PPP2R2B: variants seen among roughly 807,000 people sequenced by gnomAD.
The protein encoded by PPP2R2B is protein phosphatase 2 regulatory subunit Bbeta.
In PPP2R2B, 5 loss-of-function variants were observed where a neutral mutation model predicts 46.0. The observed-to-expected ratio is 0.11, with a 90% confidence interval of 0.06 to 0.23. The LOEUF (loss-of-function observed/expected upper bound fraction) is 0.23, where lower values mean the gene tolerates loss of function less well. Among genes scored for constraint, PPP2R2B ranks in the 10% least tolerant of loss-of-function variants. PPP2R2B has a pLI of 1.00. For missense variants in PPP2R2B, 367 were observed against 575.0 expected (o/e 0.64, Z 3.70); for synonymous variants, 215 against 206.7 (o/e 1.04, Z -0.34).
chr5:146,804,480 G>A (rs1044282547), intron 2 of PPP2R2B, among the ~76,000 whole-genome samples: 3 of 152,076 alleles, frequency 2.0e-5, no homozygotes, highest in African/African-American at 7.2e-5. Flanking sequence ...ACCCTGCTCT[G>A]ATCCATTGCC....
At chr5:146,797,852 C>T (rs1289199333) in intron 2 of PPP2R2B, among the ~76,000 whole-genome samples, 1 of 152,206 alleles carries the variant, frequency 6.6e-6, no homozygotes, top group African/African-American at 2.4e-5. Context: ...AAGAAAGCGG[C>T]TGCCTAAAGA....
intron 1 of PPP2R2B, among the ~76,000 whole-genome samples, chr5:146,889,281 A>C (rs1762421269): frequency 6.6e-6 from 1 of 152,068 alleles, no homozygotes; most frequent in Admixed American, 6.6e-5. Flanking sequence ...TATGACAGCA[A>C]TGTCTTTGTT....
chr5:146,961,556 T>G (rs1752174508), intron 1 of PPP2R2B, among the ~76,000 whole-genome samples: 1 of 152,246 alleles, frequency 6.6e-6, no homozygotes, highest in Non-Finnish European at 1.5e-5. Flanking sequence ...CTAGGAAGCT[T>G]GAACACCTTT....
upstream of PPP2R2B, among the ~76,000 whole-genome samples, chr5:146,881,708 G>A (rs111779592): frequency 8.5e-3 from 1,290 of 152,304 alleles, 21 homozygotes; most frequent in African/African-American, 0.03. Context: ...CACCATGCCT[G>A]GCCTCACTAG....
chr5:146,725,393 GA>G (rs944458772), intron 2 of PPP2R2B, among the ~76,000 whole-genome samples: 14 of 151,832 alleles, frequency 9.2e-5, no homozygotes, highest in African/African-American at 3.1e-4. Flanking sequence ...CAGAAGGCTG[GA>G]AAAAAAATCC....
intron 1 of PPP2R2B, among the ~76,000 whole-genome samples, chr5:146,940,471 C>A (rs1213087288): frequency 6.6e-6 from 1 of 150,918 alleles, no homozygotes; most frequent in African/African-American, 2.4e-5. Context: ...CTTGTTCTGG[C>A]CAGATGGAAG....
At chr5:146,631,171 G>C (rs1057223402) in intron 7 of PPP2R2B, among the ~76,000 whole-genome samples, 2 of 152,142 alleles carry the variant, frequency 1.3e-5, no homozygotes, top group African/African-American at 4.8e-5. Context: ...GGGCTGCTGG[G>C]GTGGGCAGGG....
At chr5:146,941,243 G>C (rs1254105621) in intron 1 of PPP2R2B, among the ~76,000 whole-genome samples, 1 of 152,160 alleles carries the variant, frequency 6.6e-6, no homozygotes, top group Non-Finnish European at 1.5e-5. Context: ...CCATATGTCT[G>C]TTCACAATGC....
intron 1 of PPP2R2B, among the ~76,000 whole-genome samples, chr5:146,960,039 A>G (rs764921660): frequency 1.3e-5 from 2 of 152,044 alleles, no homozygotes; most frequent in Non-Finnish European, 2.9e-5. Flanking sequence ...AAAATTGTAA[A>G]CCCTTCTTTC....
chr5:146,781,472 C>T (rs35829196), intron 2 of PPP2R2B, among the ~76,000 whole-genome samples: 14,166 of 151,638 alleles, frequency 0.093, 1,141 homozygotes, highest in East Asian at 0.45. Flanking sequence ...ATTTAGTTTA[C>T]GTTAACACAA....
At chr5:146,987,787 C>A (rs1477212763) in intron 1 of PPP2R2B, among the ~76,000 whole-genome samples, 3 of 151,712 alleles carry the variant, frequency 2.0e-5, no homozygotes, top group African/African-American at 7.3e-5. Context: ...TTATAATAAC[C>A]TTGAATATAT....
chr5:146,799,174 A>C (rs1480326832), intron 2 of PPP2R2B, among the ~76,000 whole-genome samples: 1 of 152,238 alleles, frequency 6.6e-6, no homozygotes, highest in Non-Finnish European at 1.5e-5. Flanking sequence ...CTAGGTTCTT[A>C]GAGCAAATCT....
At chr5:146,873,687 C>T (rs896333692) in intron 2 of PPP2R2B, among the ~76,000 whole-genome samples, 3 of 152,184 alleles carry the variant, frequency 2.0e-5, no homozygotes, top group Non-Finnish European at 4.4e-5. Context: ...CCTCGGCTCA[C>T]TGCAACCTCT....
intron 1 of PPP2R2B, among the ~76,000 whole-genome samples, chr5:147,028,973 C>T (rs372785404): frequency 6.6e-6 from 1 of 152,098 alleles, no homozygotes. Flanking sequence ...AAATGCCTGT[C>T]AAGTCTCTTG....
chr5:147,020,036 G>A (rs1755189132), intron 1 of PPP2R2B, among the ~76,000 whole-genome samples: 1 of 152,122 alleles, frequency 6.6e-6, no homozygotes, highest in Non-Finnish European at 1.5e-5. Context: ...TGTTCTCAGA[G>A]CTGCATTCAA....
intron 7 of PPP2R2B, among the ~76,000 whole-genome samples, chr5:146,603,639 C>T (rs894774282): frequency 6.6e-6 from 1 of 152,180 alleles, no homozygotes; most frequent in Non-Finnish European, 1.5e-5. Flanking sequence ...TTAATAGCAG[C>T]TCCAGGAATT....
intron 2 of PPP2R2B, among the ~76,000 whole-genome samples, chr5:146,712,056 T>C (rs1454324301): frequency 1.3e-5 from 2 of 152,220 alleles, no homozygotes; most frequent in African/African-American, 2.4e-5. Context: ...AAGAATATGA[T>C]AGGCAAGGAT....
chr5:146,813,665 C>T (rs1186788135), intron 2 of PPP2R2B, among the ~76,000 whole-genome samples: 1 of 152,174 alleles, frequency 6.6e-6, no homozygotes, highest in East Asian at 1.9e-4. Flanking sequence ...AAGTCGAAAC[C>T]TTCTATTTTC....
intron 1 of PPP2R2B, among the ~76,000 whole-genome samples, chr5:146,986,416 T>C (rs1490197297): frequency 6.6e-6 from 1 of 152,198 alleles, no homozygotes; most frequent in Non-Finnish European, 1.5e-5. Flanking sequence ...ACTTCACCAT[T>C]GGCTGACTCA....
Sources: gnomAD v4.1 joint callset for allele counts (sites outside exome capture counted in the v4.1 genomes callset) on GRCh38, gnomAD v4.1.1 for gene constraint, MANE v1.5 for transcripts, NCBI Gene and HGNC (gene_info 2026-07-23, HGNC 2026-07-21) for gene names.